Variants in KCNK5 observed in about 807,000 individuals in gnomAD.
KCNK5 encodes potassium two pore domain channel subfamily K member 5.
In KCNK5, 18 loss-of-function variants were observed where a neutral mutation model predicts 32.9. That is an observed-to-expected ratio of 0.55 (90% confidence interval 0.38 to 0.81). The LOEUF is 0.81. Ranked by LOEUF, KCNK5 falls within the 30% of genes least tolerant of loss-of-function variation. The pLI is 0.00. For synonymous variants in KCNK5, 276 were observed against 275.3 expected (o/e 1.00, Z -0.03); for missense variants, 507 against 651.0 (o/e 0.78, Z 2.41).
In KCNK5 at chr6:39,191,059, G is replaced by A. The variant is rs752233654; in HGVS notation, c.1331C>T (p.Ala444Val). The A allele has an allele frequency of 6.2e-7, 1 of 1,612,902 alleles. No individual in the cohort carries two copies. The highest frequency in any genetic ancestry group is 1.1e-5 in the South Asian group (1 of 90,912). Residue 444 changes from alanine to valine, a missense_variant, in exon 5 of 5, where the codon GCA (alanine) becomes GTA (valine). Physicochemically the swap from Ala to Val is moderately conservative, Grantham distance 64. Transcript: ENST00000359534. This position sits in a 1 kb window ranked among gnomAD's most constrained non-coding sequence, Gnocchi z 5.8. ...CCCCTGCTGGGGGCTCTCCTCCCCT[G>A]CCAAGTTGTCCTCTAGCGAGGACTT... ...TSKSSLEDNL[A>V]GEESPQQGAE...
chr6:39,211,873 A>G (rs1002250098), intron 1 of KCNK5, among the ~76,000 whole-genome samples: 1 of 152,096 alleles, frequency 6.6e-6, no homozygotes, highest in African/African-American at 2.4e-5. Flanking sequence ...TTGAGGCAAG[A>G]GAATCTCTTG....
chr6:39,228,751 G>A (rs1045766673), intron 1 of KCNK5, among the ~76,000 whole-genome samples, 175 bp downstream of exon 1: 1 of 152,120 alleles, frequency 6.6e-6, no homozygotes, highest in African/African-American at 2.4e-5. Context: ...TGTGTCCCTC[G>A]GGTGAGCGAC....
intron 1 of KCNK5, among the ~76,000 whole-genome samples, chr6:39,211,379 C>T (rs991799743): frequency 2.6e-5 from 4 of 152,224 alleles, no homozygotes; most frequent in African/African-American, 9.6e-5. Context: ...ACGGCTTGCA[C>T]AAACACATGC....
rs538843813 is a variant in KCNK5 at position 39,191,164 on chromosome 6, T to A, written c.1226A>T (p.Asp409Val). Residue 409 changes from aspartate to valine, a missense_variant, in exon 5 of 5, where the codon GAC (aspartate) becomes GTC (valine). Asp to Val is a radical substitution (Grantham distance 152, BLOSUM62 -3). This residue lies in a region of KCNK5 where 252 missense variants were observed against 250.8 expected (regional missense o/e 1.00). Coordinates refer to ENST00000359534, the MANE Select transcript of KCNK5 (RefSeq NM_003740.4). The surrounding 1 kb of genome is among the most constrained non-coding windows in gnomAD (Gnocchi z 5.8). ...SEECEPWDAQ[D>V]YHPLIFQDAS... ...GTCCTGGAAGATGAGTGGGTGGTAG[T>A]CCTGGGCGTCCCATGGCTCGCATTC... The A allele has an allele frequency of 1.2e-6, 2 of 1,614,196 alleles. No individual in the cohort carries two copies. The highest frequency in any genetic ancestry group is 1.3e-5 in the African/African-American group (1 of 75,058).
rs374565725 is a variant in KCNK5 at position 39,191,020 on chromosome 6, G to A, written c.1370C>T (p.Ala457Val). ...GGGGAACTCGCCCATGTTCAGGGGC[G>A]CCTTGGCTTCAGCCCCCTGCTGGGG... is the stretch of plus-strand genomic sequence containing the variant. ...ESPQQGAEAK[A>V]PLNMGEFPSS... The change falls in exon 5 of 5, where the codon GCG (alanine) becomes GTG (valine). Residue 457 changes from alanine to valine, a missense_variant. By Grantham distance (64) the Ala-to-Val change is moderately conservative. Transcript: ENST00000359534. This position sits in a 1 kb window ranked among gnomAD's most constrained non-coding sequence, Gnocchi z 5.8. 44 of 1,599,556 alleles carry A rather than the reference G, an allele frequency of 2.8e-5. No homozygotes were observed. In the South Asian group the frequency reaches 3.2e-4, roughly 12 times the overall value.
chr6:39,222,640 C>G (rs1046430912), intron 1 of KCNK5, among the ~76,000 whole-genome samples: 3 of 152,212 alleles, frequency 2.0e-5, no homozygotes, highest in Admixed American at 1.3e-4. Context: ...GGGCAAGAGA[C>G]AGCCACCATC....
chr6:39,201,845 T>C (rs913097860), intron 1 of KCNK5, among the ~76,000 whole-genome samples: 4 of 152,228 alleles, frequency 2.6e-5, no homozygotes, highest in African/African-American at 9.7e-5. Flanking sequence ...TAAAGTTTAC[T>C]GTATTTTAGT....
At chr6:39,193,026 T>A (rs1384154924) in intron 4 of KCNK5, among the ~76,000 whole-genome samples, 1 of 152,198 alleles carries the variant, frequency 6.6e-6, no homozygotes, top group Non-Finnish European at 1.5e-5. Flanking sequence ...AGTTTCATGA[T>A]GACAGTAATG....
Position 39,189,893 on chromosome 6 carries a change from T to C in KCNK5, c.*997A>G. 6.6e-6 allele frequency: 1 copy of C among 152,624 alleles called. No individual in the cohort carries two copies. The highest frequency in any genetic ancestry group is 2.1e-4 in the South Asian group (1 of 4,864). The allele number at this position is 152,624 out of a possible 1,614,324, so 9.5% of individuals were successfully genotyped here. ...CTCACCCTGCCTGGCCCAAGGGGGC[T>C]GGTGGGAGGGGAAGGCGGGCAGTGA... On this transcript the variant is annotated 3_prime_UTR_variant, in exon 5 of 5. Transcript: ENST00000359534.
intron 1 of KCNK5, among the ~76,000 whole-genome samples, chr6:39,208,176 T>C (rs1400901318): frequency 6.6e-6 from 1 of 152,122 alleles, no homozygotes; most frequent in Non-Finnish European, 1.5e-5. Context: ...TTTATTACAG[T>C]TTGTTTAAGA....
At chr6:39,215,158 G>C (rs1161736262) in intron 1 of KCNK5, among the ~76,000 whole-genome samples, 1 of 152,156 alleles carries the variant, frequency 6.6e-6, no homozygotes, top group African/African-American at 2.4e-5. Context: ...GCTGAGGCTA[G>C]AGTCTGGAAG....
chr6:39,221,297 C>T (rs1411434438), intron 1 of KCNK5, among the ~76,000 whole-genome samples: 1 of 152,152 alleles, frequency 6.6e-6, no homozygotes, highest in Non-Finnish European at 1.5e-5. Flanking sequence ...GTGCTTGTAA[C>T]TATTGGTTGC....
Position 39,191,069 on chromosome 6 carries a change from C to T in KCNK5, c.1321G>A (p.Asp441Asn). 4 of 1,613,762 alleles carry T rather than the reference C, an allele frequency of 2.5e-6. No homozygotes were observed. The highest frequency in any genetic ancestry group is 3.4e-6 in the Non-Finnish European group (4 of 1,179,888). The change falls in exon 5 of 5, where the codon GAC (aspartate) becomes AAC (asparagine). Residue 441 changes from aspartate to asparagine, a missense_variant. Asp to Asn is a conservative substitution (Grantham distance 23, BLOSUM62 1). Around this residue, in one of 6 missense-constraint regions of KCNK5, gnomAD observed 252 missense variants for 250.8 expected, o/e 1.00. Coordinates refer to ENST00000359534, the MANE Select transcript of KCNK5 (RefSeq NM_003740.4). The surrounding 1 kb of genome is among the most constrained non-coding windows in gnomAD (Gnocchi z 5.8). ...DEETSKSSLEDNLAGEESPQQ... is the reference protein window; with the variant it reads ...DEETSKSSLENNLAGEESPQQ... ...GGGCTCTCCTCCCCTGCCAAGTTGTCCTCTAGCGAGGACTTGGAGGTCTCC... is the reference window on the plus strand; with the variant it reads ...GGGCTCTCCTCCCCTGCCAAGTTGTTCTCTAGCGAGGACTTGGAGGTCTCC...
Position 39,191,562 on chromosome 6 carries a change from G to A in KCNK5, c.828C>T (p.Ala276=). Residue 276 remains alanine (A), a synonymous_variant, in exon 5 of 5, where the codon GCC becomes GCT. Transcript: ENST00000359534. This position sits in a 1 kb window ranked among gnomAD's most constrained non-coding sequence, Gnocchi z 5.8. ...SFESSPHSRK[A]LQVKGSTASK... Reference sequence around the variant, plus strand: ...AGGCTGTGCTCCCCTTCACCTGCAGGGCCTTCCGGGAGTGTGGGGAGCTCT... The same window carrying A: ...AGGCTGTGCTCCCCTTCACCTGCAGAGCCTTCCGGGAGTGTGGGGAGCTCT... 6.2e-7 allele frequency: 1 copy of A among 1,613,948 alleles called. No individual in the cohort carries two copies. Among genetic ancestry groups the A allele is most frequent in the Non-Finnish European group, 8.5e-7 (1 of 1,180,002 alleles).
rs1230012669 is a variant in KCNK5, at chr6:39,195,934, G to A, written c.240C>T (p.Phe80=). 1 of 1,614,004 alleles carries A rather than the reference G, an allele frequency of 6.2e-7. No individual in the cohort carries two copies. Among genetic ancestry groups the A allele is most frequent in the Admixed American group, 1.7e-5 (1 of 60,018 alleles). The change falls in exon 2 of 5, where the codon TTC becomes TTT. Residue 80 remains phenylalanine (F), a synonymous_variant. Transcript: ENST00000359534. The part of the protein sequence containing the change: ...QGVAITGNQT[F]NNWNWPNAMI... ...TTGCATTGGGCCAGTTCCAGTTGTT[G>A]AAGGTCTGGTTCCCTGTGATGGCCA...
At chr6:39,215,048 C>T (rs1186124401) in intron 1 of KCNK5, among the ~76,000 whole-genome samples, 2 of 152,174 alleles carry the variant, frequency 1.3e-5, no homozygotes, top group African/African-American at 2.4e-5. Flanking sequence ...CCTAAACACA[C>T]AGCAAGTCAG....
chr6:39,209,090 C>CAAA (rs139419860), intron 1 of KCNK5, among the ~76,000 whole-genome samples: 1 of 145,458 alleles, frequency 6.9e-6, no homozygotes. Flanking sequence ...GATTCAGTCT[C>CAAA]AAAAAAAAAA....
At chr6:39,196,908 T>A (rs1771041132) in intron 1 of KCNK5, among the ~76,000 whole-genome samples, 2 of 152,220 alleles carry the variant, frequency 1.3e-5, no homozygotes, top group African/African-American at 4.8e-5. Context: ...GGGGAACTTA[T>A]CTACTCCTAC....
chr6:39,194,591 T>C lies in KCNK5; in HGVS notation c.465+3A>G. 6.2e-7 allele frequency: 1 copy of C among 1,614,024 alleles called. No homozygotes were observed. The highest frequency in any genetic ancestry group is 8.5e-7 in the Non-Finnish European group (1 of 1,179,964). Reference sequence around the variant, plus strand: ...TGCCCAACACCCAGGGTAGGGGACATACCAGACTCACACCTCTCTTGGTAA... The same window carrying C: ...TGCCCAACACCCAGGGTAGGGGACACACCAGACTCACACCTCTCTTGGTAA... On this transcript the variant is annotated splice_donor_region_variant and intron_variant, in intron 3 of 4. Transcript: ENST00000359534. This position sits in a 1 kb window ranked among gnomAD's most constrained non-coding sequence, Gnocchi z 4.7.
Sources: gnomAD v4.1 joint callset for allele counts (sites outside exome capture counted in the v4.1 genomes callset) on GRCh38, gnomAD v4.1.1 for gene constraint, gnomAD v4.1.1 regional missense constraint, Gnocchi (gnomAD v3.1) non-coding constraint, MANE v1.5 for transcripts, NCBI Gene and HGNC (gene_info 2026-07-23, HGNC 2026-07-21) for gene names.